Variants in CNTN5 observed in about 807,000 individuals in gnomAD.
The protein encoded by CNTN5 is contactin 5.
A neutral mutation model predicts 129.1 loss-of-function variants in CNTN5; 77 were observed. That is an observed-to-expected ratio of 0.60 (90% CI 0.50 to 0.72). The LOEUF (loss-of-function observed/expected upper bound fraction) is 0.72, where lower values mean the gene tolerates loss of function less well. Ranked by LOEUF, CNTN5 falls within the 30% of genes least tolerant of loss-of-function variation. The pLI is 0.00. For missense variants in CNTN5, 1,478 were observed against 1,328.8 expected (o/e 1.11, Z -1.75); for synonymous variants, 509 against 465.6 (o/e 1.09, Z -1.20).
chr11:99,238,999 A>T (rs1861412855), intron 1 of CNTN5, among the ~76,000 whole-genome samples: 1 of 151,676 alleles, frequency 6.6e-6, no homozygotes. Context: ...TGACTCTATG[A>T]CTTTTTTTAC....
At position 99,759,653 on chromosome 11, in the gene CNTN5, T is replaced by A. The variant is rs116097446; in HGVS notation, c.56-59891T>A. Among the ~76,000 whole-genome samples the A allele has an allele frequency of 9.9e-3, 1,460 of 147,200 alleles. 22 individuals are homozygous for A. Among genetic ancestry groups the A allele is most frequent in the African/African-American group, 0.035 (1,388 of 39,538 alleles). Reference sequence around the variant, plus strand: ...GTCAGATGACGAATGCTAGGGAGGGTGTTTGCCGGTAGTCAGACTAAGAAA... The same window carrying A: ...GTCAGATGACGAATGCTAGGGAGGGAGTTTGCCGGTAGTCAGACTAAGAAA... On this transcript the variant is annotated intron_variant, in intron 3 of 24. Coordinates refer to ENST00000524871, the MANE Select transcript of CNTN5 (RefSeq NM_014361.4).
intron 1 of CNTN5, among the ~76,000 whole-genome samples, chr11:99,097,314 A>G (rs960141093): frequency 6.6e-6 from 1 of 151,918 alleles, no homozygotes; most frequent in African/African-American, 2.4e-5. Flanking sequence ...GTTGGAGATT[A>G]TATACGTTCC....
chr11:100,005,385 C>T (rs1205962157), intron 9 of CNTN5, among the ~76,000 whole-genome samples: 2 of 151,962 alleles, frequency 1.3e-5, no homozygotes, highest in African/African-American at 2.4e-5. Context: ...CCTATTCTTG[C>T]CTCACTCTAT....
chr11:99,294,450 A>G (rs1864299174), intron 1 of CNTN5, among the ~76,000 whole-genome samples: 2 of 152,346 alleles, frequency 1.3e-5, no homozygotes, highest in South Asian at 2.1e-4. Context: ...CTAGGAATAA[A>G]TTAAACCAAA....
intron 13 of CNTN5, among the ~76,000 whole-genome samples, chr11:100,155,459 C>A (rs1947207747): frequency 6.6e-6 from 1 of 152,078 alleles, no homozygotes; most frequent in African/African-American, 2.4e-5. Flanking sequence ...GAGCATGATG[C>A]CTCCAGCTTT....
intron 9 of CNTN5, among the ~76,000 whole-genome samples, chr11:100,008,209 G>T (rs1940311393): frequency 6.6e-6 from 1 of 151,986 alleles, no homozygotes; most frequent in Non-Finnish European, 1.5e-5. Context: ...TTTCCAAAAT[G>T]GGACACAGTG....
rs369374416 is a variant in CNTN5 at position 99,956,892 on chromosome 11, C to G, written c.760C>G (p.Leu254Val). 1 of 1,613,874 alleles carries G rather than the reference C, an allele frequency of 6.2e-7. No homozygotes were observed. Among genetic ancestry groups the G allele is most frequent in the Non-Finnish European group, 8.5e-7 (1 of 1,179,828 alleles). The stretch of plus-strand genomic sequence containing the variant: ...GTTCATCTCCCAGGAGACAGGCAAC[C>G]TTTATATTTCTAAAGTCCAAACATC... ...RRFISQETGN[L>V]YISKVQTSDV... Residue 254 changes from leucine (L) to valine (V), a missense_variant, in exon 8 of 25, where the codon CTT becomes GTT. Leu to Val is a conservative substitution (Grantham distance 32). Transcript: ENST00000524871.
intron 9 of CNTN5, among the ~76,000 whole-genome samples, chr11:100,036,195 G>A (rs1221514461): frequency 6.6e-6 from 1 of 152,140 alleles, no homozygotes; most frequent in Non-Finnish European, 1.5e-5. Flanking sequence ...TGGCTAGCCA[G>A]TTTTTCCAGC....
intron 3 of CNTN5, among the ~76,000 whole-genome samples, chr11:99,711,387 G>T (rs953582059): frequency 6.6e-6 from 1 of 151,764 alleles, no homozygotes; most frequent in Non-Finnish European, 1.5e-5. Flanking sequence ...CTTTTACTTA[G>T]AATTTAGCAA....
intron 17 of CNTN5, among the ~76,000 whole-genome samples, chr11:100,268,131 CT>C (rs758596561): frequency 4.6e-5 from 7 of 152,070 alleles, no homozygotes; most frequent in Non-Finnish European, 8.8e-5. Flanking sequence ...CCTGAGAAAC[CT>C]TCATAATTGG....
chr11:99,480,144 T>C (rs1020757593), intron 2 of CNTN5, among the ~76,000 whole-genome samples: 4 of 152,174 alleles, frequency 2.6e-5, no homozygotes, highest in Admixed American at 2.0e-4. Flanking sequence ...ACATATTAAC[T>C]ATATGATGGA....
intron 1 of CNTN5, among the ~76,000 whole-genome samples, chr11:99,140,313 G>GAT (rs1320162314): frequency 2.6e-5 from 4 of 151,982 alleles, no homozygotes; most frequent in African/African-American, 9.7e-5. Flanking sequence ...CACTCAGGTA[G>GAT]TGAGCATAGT....
At chr11:99,517,727 A>G (rs1256720118) in intron 2 of CNTN5, among the ~76,000 whole-genome samples, 1 of 152,030 alleles carries the variant, frequency 6.6e-6, no homozygotes, top group Non-Finnish European at 1.5e-5. Flanking sequence ...CTCACCTGCT[A>G]CCCTTGTTCT....
intron 4 of CNTN5, among the ~76,000 whole-genome samples, chr11:99,839,978 G>A (rs1360961452): frequency 2.0e-5 from 3 of 151,826 alleles, no homozygotes; most frequent in African/African-American, 7.3e-5. Flanking sequence ...AGTTAAAAAG[G>A]CCAACTGAGT....
intron 2 of CNTN5, among the ~76,000 whole-genome samples, chr11:99,447,063 A>G (rs1006304227): frequency 6.6e-6 from 1 of 152,206 alleles, no homozygotes; most frequent in East Asian, 1.9e-4. Context: ...AAGGGAGAAG[A>G]CTTTCTAAGC....
rs534454074 is a variant in CNTN5, at chr11:100,176,797, AACT to A, written c.1581-14325_1581-14323del. ...GCTTTTAATTCTAATTCTAATTTGA[AACT>A]ACTGTTTGTTTTACTACATATTTAA... On this transcript the variant is annotated intron_variant, in intron 13 of 24. Transcript: ENST00000524871. Among the ~76,000 whole-genome samples the A allele has an allele frequency of 4.3e-3, 651 of 152,070 alleles. 1 individual carries two copies. The highest frequency in any genetic ancestry group is 0.01 in the Middle Eastern group (3 of 294).
intron 1 of CNTN5, among the ~76,000 whole-genome samples, chr11:99,257,243 G>A (rs1415070915): frequency 2.6e-5 from 4 of 152,208 alleles, no homozygotes; most frequent in South Asian, 2.1e-4. Flanking sequence ...TCTGGAAAAG[G>A]TGCCATGTGA....
chr11:99,428,953 T>TA (rs759657341), intron 2 of CNTN5, among the ~76,000 whole-genome samples: 5 of 152,054 alleles, frequency 3.3e-5, no homozygotes, highest in African/African-American at 9.7e-5. Flanking sequence ...GCCTTATTTA[T>TA]AAAAAAATTA....
intron 1 of CNTN5, among the ~76,000 whole-genome samples, chr11:99,249,464 T>G (rs1023837313): frequency 6.6e-6 from 1 of 151,978 alleles, no homozygotes; most frequent in Non-Finnish European, 1.5e-5. Flanking sequence ...AGACATTTAA[T>G]AGCTGTGACC....
Sources: gnomAD v4.1 joint callset for allele counts (sites outside exome capture counted in the v4.1 genomes callset) on GRCh38, gnomAD v4.1.1 for gene constraint, MANE v1.5 for transcripts, NCBI Gene and HGNC (gene_info 2026-07-23, HGNC 2026-07-21) for gene names.